Variants in CCDC93 observed in about 807,000 individuals in gnomAD.
CCDC93 encodes the protein coiled-coil domain-containing protein 93.
CCDC93 carries 61 observed loss-of-function variants against 108.2 expected under a neutral mutation model. The observed-to-expected ratio is 0.56, with a 90% CI of 0.46 to 0.70. The LOEUF (loss-of-function observed/expected upper bound fraction) is 0.70, where lower values mean the gene tolerates loss of function less well. Ranked by LOEUF, CCDC93 falls within the 30% of genes least tolerant of loss-of-function variation. The pLI, the probability that CCDC93 is intolerant of heterozygous loss-of-function variation, is 0.00. For synonymous variants in CCDC93, 276 were observed against 260.4 expected, an observed-to-expected ratio of 1.06 and a Z score of -0.58; for missense variants, 685 against 764.2, an observed-to-expected ratio of 0.90 and a Z score of 1.22.
rs373596710 is a variant in CCDC93 at position 117,945,479 on chromosome 2, G to A, written c.1350+50C>T. 10 of 1,511,640 alleles carry A rather than the reference G, an allele frequency of 6.6e-6. No individual in the cohort carries two copies. In the South Asian group the frequency reaches 6.7e-5, roughly 10 times the overall value. The allele number at this position is 1,511,640 out of a possible 1,614,324, so 93.6% of individuals were successfully genotyped here. Reference sequence around the variant, plus strand: ...GCCATCACAGGAGAGTGGAAAGCTGGCCGCCTGCCCTCAGGAGACAATGCC... The same window carrying A: ...GCCATCACAGGAGAGTGGAAAGCTGACCGCCTGCCCTCAGGAGACAATGCC... On this transcript the variant is annotated intron_variant, in intron 17 of 23. Transcript: ENST00000376300.
At position 118,006,750 on chromosome 2, in the gene CCDC93, G is replaced by C; in HGVS notation, c.223C>G (p.Gln75Glu). 1.9e-6 allele frequency: 3 copies of C among 1,611,926 alleles called. No individual in the cohort carries two copies. The highest frequency in any genetic ancestry group is 1.7e-6 in the Non-Finnish European group (2 of 1,178,048). The change falls in exon 3 of 24, where the codon CAA becomes GAA. Residue 75 changes from glutamine to glutamate, a missense_variant. Coordinates refer to ENST00000376300, the MANE Select transcript of CCDC93 (RefSeq NM_019044.5). ...TTTTGACCTATCGTAGAGTTTTCTTGAAAGAGCAAATCAACATCTACATCA... is the reference window on the plus strand; with the variant it reads ...TTTTGACCTATCGTAGAGTTTTCTTCAAAGAGCAAATCAACATCTACATCA... ...NFDVDVDLLF[Q>E]ENSTIGQKIA...
At chr2:117,991,703 C>T (rs1680479080) in intron 6 of CCDC93, among the ~76,000 whole-genome samples, 1 of 152,226 alleles carries the variant, frequency 6.6e-6, no homozygotes, top group Non-Finnish European at 1.5e-5. Context: ...AGCAGCTCCA[C>T]ACCTATTTTA....
Position 117,917,932 on chromosome 2 carries a change from A to G in CCDC93, c.*2411T>C, listed in dbSNP as rs1458064000. On this transcript the variant is annotated 3_prime_UTR_variant, in exon 24 of 24. Coordinates refer to ENST00000376300, the MANE Select transcript of CCDC93 (RefSeq NM_019044.5). ...AGCAGGGAGCCTCTCTCTCCTGGGG[A>G]AACCTGGTTCCTCCTGAAGCGCATA... The G allele has an allele frequency of 6.6e-6, 1 of 152,222 alleles. No homozygotes were observed. Among genetic ancestry groups the G allele is most frequent in the African/African-American group, 2.4e-5 (1 of 41,448 alleles). The allele number at this position is 152,222 out of a possible 1,614,324, so 9.4% of individuals were successfully genotyped here.
At chr2:117,989,724 G>A (rs1050636786) in intron 6 of CCDC93, among the ~76,000 whole-genome samples, 4 of 152,116 alleles carry the variant, frequency 2.6e-5, no homozygotes, top group South Asian at 2.1e-4. Flanking sequence ...GAGCTGTTAC[G>A]AAAATAAACT....
intron 7 of CCDC93, among the ~76,000 whole-genome samples, chr2:117,983,477 G>A (rs1680210841): frequency 6.6e-6 from 1 of 151,910 alleles, no homozygotes; most frequent in Non-Finnish European, 1.5e-5. Flanking sequence ...AAACACACAA[G>A]GACAAGGAGA....
intron 22 of CCDC93, among the ~76,000 whole-genome samples, chr2:117,933,472 C>T (rs1169973512): frequency 6.6e-6 from 1 of 152,178 alleles, no homozygotes; most frequent in Non-Finnish European, 1.5e-5. Context: ...TCCAGAGATC[C>T]AGAGACCTTA....
At chr2:117,968,793 A>G (rs1679670190) in intron 11 of CCDC93, among the ~76,000 whole-genome samples, 1 of 152,000 alleles carries the variant, frequency 6.6e-6, no homozygotes, top group African/African-American at 2.4e-5. Context: ...CCCTCTCTTC[A>G]TAAAGAAAAA....
chr2:117,982,439 T>G (rs1466089804), intron 7 of CCDC93, among the ~76,000 whole-genome samples: 2 of 152,140 alleles, frequency 1.3e-5, no homozygotes, highest in African/African-American at 4.8e-5. Flanking sequence ...TAGAAAAATA[T>G]ACCCAAACTA....
chr2:117,985,796 G>C (rs762801306), intron 7 of CCDC93, among the ~76,000 whole-genome samples, 173 bp downstream of exon 7: 6 of 152,276 alleles, frequency 3.9e-5, no homozygotes, highest in Non-Finnish European at 5.9e-5. Flanking sequence ...AATTGCAAAG[G>C]ATGCCCACAG....
At chr2:117,990,584 A>G (rs1010210083) in intron 6 of CCDC93, among the ~76,000 whole-genome samples, 4 of 152,184 alleles carry the variant, frequency 2.6e-5, no homozygotes, top group African/African-American at 9.7e-5. Flanking sequence ...AATTAGAAAT[A>G]AAAGAATAAA....
At chr2:117,965,119 TCTAC>T (rs1679517935) in intron 11 of CCDC93, among the ~76,000 whole-genome samples, 1 of 152,114 alleles carries the variant, frequency 6.6e-6, no homozygotes, top group African/African-American at 2.4e-5. Flanking sequence ...GGTTTAAAAA[TCTAC>T]CTAGACCCCC....
intron 19 of CCDC93, among the ~76,000 whole-genome samples, chr2:117,939,713 C>T (rs1020490959): frequency 6.6e-6 from 1 of 152,126 alleles, no homozygotes; most frequent in Non-Finnish European, 1.5e-5. Context: ...CTAGTGGGGC[C>T]GGGCACATGA....
intron 23 of CCDC93, 105 bp from the exon 24 acceptor site, chr2:117,920,501 C>T: frequency 3.0e-6 from 2 of 658,188 alleles, no homozygotes; most frequent in Non-Finnish European, 5.1e-6. Context: ...GGAGACATCT[C>T]CTGGCCAACC....
intron 23 of CCDC93, among the ~76,000 whole-genome samples, chr2:117,923,496 G>A (rs879331708): frequency 2.0e-5 from 3 of 152,138 alleles, no homozygotes; most frequent in Non-Finnish European, 1.5e-5. Context: ...AGGATCCTAC[G>A]CCCATGGAGC....
chr2:117,985,689 CAG>C (rs750729023), intron 7 of CCDC93, among the ~76,000 whole-genome samples: 122 of 152,178 alleles, frequency 8.0e-4, no homozygotes, highest in Non-Finnish European at 2.1e-4. Context: ...TTTTAACAAA[CAG>C]GGGCATGCAG....
chr2:117,936,641 G>A, intron 21 of CCDC93, 61 bp downstream of exon 21: 1 of 1,286,446 alleles, frequency 7.8e-7, no homozygotes, highest in Non-Finnish European at 1.1e-6. Flanking sequence ...ATGTGAGGTG[G>A]GCTGAATTCA....
chr2:117,955,373 T>A (rs958022285), intron 12 of CCDC93, among the ~76,000 whole-genome samples: 1 of 149,944 alleles, frequency 6.7e-6, no homozygotes, highest in Non-Finnish European at 1.5e-5. Context: ...GGCTGTGGGA[T>A]GTAAAGAGTT....
intron 12 of CCDC93, among the ~76,000 whole-genome samples, 188 bp downstream of exon 12, chr2:117,958,177 G>A (rs892126507): frequency 6.6e-6 from 1 of 152,162 alleles, no homozygotes; most frequent in African/African-American, 2.4e-5. Flanking sequence ...TGCCACTGTA[G>A]CCTGAAAGCA....
intron 22 of CCDC93, among the ~76,000 whole-genome samples, chr2:117,933,623 T>C (rs1289903774): frequency 6.6e-6 from 1 of 152,102 alleles, no homozygotes; most frequent in Non-Finnish European, 1.5e-5. Context: ...CTGCTGGTTC[T>C]GAGAAACCTG....
Sources: allele counts gnomAD v4.1 joint callset (sites outside exome capture counted in the v4.1 genomes callset), GRCh38; gene constraint gnomAD v4.1.1; transcripts MANE v1.5; gene names NCBI Gene and HGNC (gene_info 2026-07-23, HGNC 2026-07-21).